The following OLFM3 variants were observed in gnomAD, a reference collection of about 807,000 sequenced individuals.
OLFM3 encodes noelin-3.
In OLFM3, 20 loss-of-function variants were observed where a neutral mutation model predicts 48.6. The observed-to-expected ratio is 0.41, with a 90% confidence interval of 0.29 to 0.60. The LOEUF (loss-of-function observed/expected upper bound fraction) is 0.60. Ranked by LOEUF, OLFM3 falls within the 20% of genes least tolerant of loss-of-function variation. The pLI is 0.28. For missense variants in OLFM3, 437 were observed against 544.3 expected (o/e 0.80, Z 1.96); for synonymous variants, 222 against 198.1 (o/e 1.12, Z -1.01).
At chr1:101,823,832 G>A (rs1440705826) in intron 4 of OLFM3, among the ~76,000 whole-genome samples, 1 of 151,870 alleles carries the variant, frequency 6.6e-6, no homozygotes, top group African/African-American at 2.4e-5. Context: ...CATGTGTTTC[G>A]GCCTTCAGGT....
intron 1 of OLFM3, among the ~76,000 whole-genome samples, chr1:101,892,423 G>A (rs1658036312): frequency 6.6e-6 from 1 of 151,998 alleles, no homozygotes; most frequent in African/African-American, 2.4e-5. Flanking sequence ...AGCAGTCTTT[G>A]AGATTTGCGC....
intron 1 of OLFM3, among the ~76,000 whole-genome samples, chr1:101,979,850 C>T (rs934062020): frequency 1.3e-5 from 2 of 152,220 alleles, no homozygotes; most frequent in Non-Finnish European, 2.9e-5. Flanking sequence ...TGCAGGCACT[C>T]AATGCCAGCC....
chr1:101,850,683 A>G (rs531853617), intron 1 of OLFM3, among the ~76,000 whole-genome samples: 1 of 152,280 alleles, frequency 6.6e-6, no homozygotes, highest in African/African-American at 2.4e-5. Flanking sequence ...TAGAAAATAA[A>G]CAGTTAATGA....
chr1:101,935,900 A>G (rs1267785913), intron 1 of OLFM3, among the ~76,000 whole-genome samples: 1 of 152,170 alleles, frequency 6.6e-6, no homozygotes, highest in African/African-American at 2.4e-5. Flanking sequence ...GATGGATAAA[A>G]GGCTTTCAAT....
At chr1:101,965,249 G>C (rs1160752290) in intron 1 of OLFM3, among the ~76,000 whole-genome samples, 1 of 152,114 alleles carries the variant, frequency 6.6e-6, no homozygotes, top group African/African-American at 2.4e-5. Flanking sequence ...AAACCCCCAG[G>C]CTAACGGGAA....
intron 1 of OLFM3, chr1:101,893,067 T>C (rs1658064491): frequency 6.2e-6 from 1 of 162,138 alleles, no homozygotes; most frequent in Non-Finnish European, 1.3e-5. Context: ...GTGAAAGGAT[T>C]TTTAATGCAC....
intron 1 of OLFM3, among the ~76,000 whole-genome samples, chr1:101,935,532 A>G (rs1659585291): frequency 6.6e-6 from 1 of 152,176 alleles, no homozygotes; most frequent in Non-Finnish European, 1.5e-5. Flanking sequence ...TCATAGCTGA[A>G]TTCCACTAGA....
At chr1:101,930,061 G>A (rs1466561313) in intron 1 of OLFM3, among the ~76,000 whole-genome samples, 4 of 152,096 alleles carry the variant, frequency 2.6e-5, no homozygotes, top group Non-Finnish European at 5.9e-5. Context: ...TTTAGAAGAG[G>A]CATAATAAAC....
intron 1 of OLFM3, among the ~76,000 whole-genome samples, chr1:101,979,115 C>G (rs1489214720): frequency 6.6e-6 from 1 of 152,080 alleles, no homozygotes; most frequent in Non-Finnish European, 1.5e-5. Flanking sequence ...AGAAATAATA[C>G]ATTCTCTTAG....
intron 1 of OLFM3, among the ~76,000 whole-genome samples, chr1:101,876,380 A>G (rs1362777249): frequency 6.6e-6 from 1 of 151,982 alleles, no homozygotes; most frequent in East Asian, 1.9e-4. Context: ...ACGAGCACTC[A>G]GAGAAAAGAT....
intron 1 of OLFM3, among the ~76,000 whole-genome samples, chr1:101,891,988 T>C (rs923004669): frequency 4.6e-5 from 7 of 152,036 alleles, no homozygotes; most frequent in African/African-American, 1.7e-4. Flanking sequence ...CTACGGATTG[T>C]AGAATTAGGC....
intron 1 of OLFM3, among the ~76,000 whole-genome samples, chr1:101,982,886 CTCTCTG>C (rs1283735073): frequency 1.4e-5 from 2 of 146,382 alleles, no homozygotes; most frequent in East Asian, 4.1e-4. Flanking sequence ...ATGAGTCTCA[CTCTCTG>C]TCTCTGTCTT....
chr1:101,922,228 A>G (rs1436282075), intron 1 of OLFM3, among the ~76,000 whole-genome samples: 1 of 152,184 alleles, frequency 6.6e-6, no homozygotes, highest in Non-Finnish European at 1.5e-5. Context: ...AATACTAACA[A>G]TTATAGCTAT....
chr1:101,993,949 G>T (rs1202672494), intron 1 of OLFM3, among the ~76,000 whole-genome samples: 1 of 125,530 alleles, frequency 8.0e-6, no homozygotes. Context: ...AAGCTTCAGC[G>T]ACAGAAAAAA....
rs751446136 is a variant in OLFM3, at chr1:101,804,580, A to G, written c.1035T>C (p.Asn345=). 1.2e-6 allele frequency: 2 copies of G among 1,612,570 alleles called. No homozygotes were observed. Among genetic ancestry groups the G allele is most frequent in the South Asian group, 1.1e-5 (1 of 91,062 alleles). ...GLWAVYATNQ[N]AGNIVISQLN... is the part of the protein sequence containing the mutation. The stretch of plus-strand genomic sequence containing the variant: ...GTTGGCTGATGACAATATTGCCTGC[A>G]TTCTGGTTAGTTGCATACACAGCCC... The change falls in exon 6 of 6, where the codon AAT becomes AAC. Residue 345 remains asparagine (N), a synonymous_variant. Coordinates refer to ENST00000370103, the MANE Select transcript of OLFM3 (RefSeq NM_058170.4). The surrounding 1 kb of genome is among the most constrained non-coding windows in gnomAD (Gnocchi z 4.5).
At position 101,996,805 on chromosome 1, in the gene OLFM3, C is replaced by G. The variant is rs766166903; in HGVS notation, c.12G>C (p.Thr4=). The part of the protein sequence containing the change: MQA[T]SNLLNLLLLS... ...GCAGCAGGAGGTTGAGAAGGTTGGA[C>G]GTCGCCTGCATTCTGATCTGGGTTT... Residue 4 remains threonine (T), a synonymous_variant, in exon 1 of 6, where the codon ACG becomes ACC. Transcript: ENST00000370103. The G allele has an allele frequency of 1.1e-5, 17 of 1,614,130 alleles. No individual in the cohort carries two copies.
intron 1 of OLFM3, among the ~76,000 whole-genome samples, chr1:101,920,583 G>T (rs1289713773): frequency 6.6e-6 from 1 of 152,166 alleles, no homozygotes; most frequent in Non-Finnish European, 1.5e-5. Flanking sequence ...TATTTTTCCT[G>T]TTTGTGTTTA....
At chr1:101,850,213 C>T (rs972727950) in intron 1 of OLFM3, among the ~76,000 whole-genome samples, 6 of 152,094 alleles carry the variant, frequency 3.9e-5, no homozygotes, top group Admixed American at 6.6e-5. Context: ...TGTGACCTGA[C>T]TACACACTTA....
intron 1 of OLFM3, among the ~76,000 whole-genome samples, chr1:101,876,650 T>G (rs1570587017): frequency 6.6e-6 from 1 of 152,122 alleles, no homozygotes; most frequent in East Asian, 1.9e-4. Flanking sequence ...AGAGATAATT[T>G]TAGCATTAAA....
Sources: gnomAD v4.1 joint callset for allele counts (sites outside exome capture counted in the v4.1 genomes callset) on GRCh38, gnomAD v4.1.1 for gene constraint, Gnocchi (gnomAD v3.1) non-coding constraint, MANE v1.5 for transcripts, NCBI Gene and HGNC (gene_info 2026-07-23, HGNC 2026-07-21) for gene names.